The following ACYP2 variants were observed in gnomAD, a reference collection of about 807,000 sequenced individuals.
The protein encoded by ACYP2 is acylphosphatase 2.
In ACYP2, 12 loss-of-function variants were observed where a neutral mutation model predicts 11.2. The ratio of observed to expected loss-of-function variants is 1.08; its 90% CI spans 0.69 to 1.74. The LOEUF (loss-of-function observed/expected upper bound fraction) is 1.74. Ranked by LOEUF, ACYP2 falls within the 40% of genes most tolerant of loss-of-function variation. The probability of loss-of-function intolerance (pLI) is 0.00; values close to 1 mark genes in which losing one functional copy is unlikely to be tolerated. For missense variants in ACYP2, 134 were observed against 101.9 expected, an observed-to-expected ratio of 1.31 and a Z score of -1.35; for synonymous variants, 43 against 32.2, an observed-to-expected ratio of 1.33 and a Z score of -1.13.
intron 4 of ACYP2, among the ~76,000 whole-genome samples, chr2:54,074,558 A>G (rs796582811): frequency 4.8e-4 from 72 of 150,782 alleles, no homozygotes; most frequent in African/African-American, 1.6e-3. Flanking sequence ...TATGTTAATT[A>G]TATATAAATA....
intron 2 of ACYP2, among the ~76,000 whole-genome samples, chr2:54,022,645 A>T (rs1674065473): frequency 6.6e-6 from 1 of 152,074 alleles, no homozygotes; most frequent in Non-Finnish European, 1.5e-5. Context: ...CTCACAAAGT[A>T]TTGGGATTAC....
At chr2:54,052,814 G>C (rs552105811) in intron 3 of ACYP2, among the ~76,000 whole-genome samples, 2 of 152,274 alleles carry the variant, frequency 1.3e-5, no homozygotes, top group African/African-American at 4.8e-5. Flanking sequence ...GGAAGTAGGT[G>C]GCCCATGAGG....
chr2:54,123,775 G>GGT (rs1315672096), intron 4 of ACYP2, among the ~76,000 whole-genome samples: 1 of 152,080 alleles, frequency 6.6e-6, no homozygotes, highest in African/African-American at 2.4e-5. Flanking sequence ...GAGAAAAAAG[G>GGT]GTACCAGTGC....
chr2:54,184,544 A>T (rs972007714), intron 6 of ACYP2, among the ~76,000 whole-genome samples: 2 of 152,220 alleles, frequency 1.3e-5, no homozygotes, highest in African/African-American at 4.8e-5. Flanking sequence ...AAATCATACA[A>T]GTAGGTAGAA....
At chr2:54,185,220 G>T (rs1683926011) in intron 6 of ACYP2, among the ~76,000 whole-genome samples, 1 of 152,088 alleles carries the variant, frequency 6.6e-6, no homozygotes, top group South Asian at 2.1e-4. Flanking sequence ...CAGGTGACAG[G>T]ATTCAGATTA....
At chr2:54,120,604 A>C (rs1680090460) in intron 4 of ACYP2, among the ~76,000 whole-genome samples, 1 of 152,164 alleles carries the variant, frequency 6.6e-6, no homozygotes, top group Non-Finnish European at 1.5e-5. Flanking sequence ...TGCCAGCCAG[A>C]AATCTCCACG....
chr2:53,973,979 T>A (rs1671334539), intron 2 of ACYP2, among the ~76,000 whole-genome samples: 1 of 146,548 alleles, frequency 6.8e-6, no homozygotes, highest in Non-Finnish European at 1.5e-5. Context: ...CCATCTCGGC[T>A]CACTGCAATC....
intron 4 of ACYP2, among the ~76,000 whole-genome samples, chr2:54,059,010 A>G (rs1676321890): frequency 6.6e-6 from 1 of 151,842 alleles, no homozygotes. Context: ...TGGAGATGTT[A>G]TTTGTGGTTT....
At chr2:54,067,208 G>GAAAGCTC (rs1197111963) in intron 4 of ACYP2, among the ~76,000 whole-genome samples, 7 of 152,142 alleles carry the variant, frequency 4.6e-5, no homozygotes, top group Non-Finnish European at 1.0e-4. Flanking sequence ...TAAAATGTCT[G>GAAAGCTC]TGTTCCTATA....
chr2:54,106,382 G>C (rs1679161366), intron 4 of ACYP2, among the ~76,000 whole-genome samples: 1 of 152,002 alleles, frequency 6.6e-6, no homozygotes, highest in South Asian at 2.1e-4. Flanking sequence ...GATTTTATGA[G>C]TAAGGATGAA....
At chr2:54,015,497 A>G (rs2104540860) in intron 2 of ACYP2, among the ~76,000 whole-genome samples, 2 of 152,032 alleles carry the variant, frequency 1.3e-5, no homozygotes, top group East Asian at 3.9e-4. Flanking sequence ...AAAAATACAA[A>G]AAGTCAGCCA....
chr2:54,014,355 C>T (rs1014668647), intron 2 of ACYP2, among the ~76,000 whole-genome samples: 2 of 151,904 alleles, frequency 1.3e-5, no homozygotes, highest in Non-Finnish European at 2.9e-5. Flanking sequence ...GATGAAGTCT[C>T]ACTTTGTCAC....
rs572088588 is a variant in ACYP2, at chr2:54,096,275, G to GGTGGCCGGGCAGA, written c.277+38917_277+38929dup. On this transcript the variant is annotated intron_variant, in intron 4 of 6. Transcript: ENST00000607452. ...GGCGCTCCCCACATCTCAGACGATGGGTGGCCGGGCAGAGACGCTCCTCAC... is the reference window on the plus strand; with the variant it reads ...GGCGCTCCCCACATCTCAGACGATGGGTGGCCGGGCAGAGTGGCCGGGCAGAGACGCTCCTCAC... 7.9e-4 allele frequency among the ~76,000 whole-genome samples: 115 copies of GGTGGCCGGGCAGA among 144,764 alleles called. 2 individuals are homozygous for GGTGGCCGGGCAGA. The highest frequency in any genetic ancestry group is 2.8e-3 in the African/African-American group (108 of 38,548). 95.0% of individuals were successfully genotyped at this position (144,764 alleles called of 152,430 possible).
intron 2 of ACYP2, among the ~76,000 whole-genome samples, chr2:53,993,236 G>C (rs1672393031): frequency 6.6e-6 from 1 of 152,084 alleles, no homozygotes; most frequent in Non-Finnish European, 1.5e-5. Context: ...TCTCAGATGA[G>C]AGATGCTAGC....
intron 6 of ACYP2, among the ~76,000 whole-genome samples, chr2:54,237,444 A>C (rs1314208051): frequency 6.6e-6 from 1 of 152,158 alleles, no homozygotes; most frequent in Admixed American, 6.5e-5. Flanking sequence ...TGTTGTCTTT[A>C]GGTTAGACTA....
intron 6 of ACYP2, among the ~76,000 whole-genome samples, chr2:54,148,527 C>T (rs541091623): frequency 1.3e-5 from 2 of 152,176 alleles, no homozygotes; most frequent in Admixed American, 6.5e-5. Flanking sequence ...CATGTTGTCT[C>T]GTGGCAGTTG....
rs116033016 is a variant in ACYP2, at chr2:54,232,844, G to A, written c.405-71844G>A. Among the ~76,000 whole-genome samples, 438 of 152,070 alleles carry A rather than the reference G, an allele frequency of 2.9e-3. 2 individuals are homozygous for A. The highest frequency in any genetic ancestry group is 9.9e-3 in the African/African-American group (412 of 41,498). On this transcript the variant is annotated intron_variant, in intron 6 of 6. Transcript: ENST00000607452. ...CACAGGAACAGCAAGGGGGAAATCC[G>A]CCCCCAAGATGCAGTCACCTCCCAC...
At chr2:54,227,615 T>C (rs1686063239) in intron 6 of ACYP2, among the ~76,000 whole-genome samples, 1 of 144,064 alleles carries the variant, frequency 6.9e-6, no homozygotes, top group African/African-American at 2.5e-5. Context: ...AGAGCAAGAC[T>C]CCATTTCAAA....
intron 6 of ACYP2, among the ~76,000 whole-genome samples, chr2:54,266,463 C>T (rs1319615429): frequency 1.3e-5 from 2 of 151,890 alleles, no homozygotes; most frequent in African/African-American, 4.8e-5. Flanking sequence ...CTTATCACAA[C>T]ACCCTATAAA....
Sources: gnomAD v4.1 joint callset for allele counts (sites outside exome capture counted in the v4.1 genomes callset) on GRCh38, gnomAD v4.1.1 for gene constraint, MANE v1.5 for transcripts, NCBI Gene and HGNC (gene_info 2026-07-23, HGNC 2026-07-21) for gene names.